KHDC4: variants seen among roughly 807,000 people sequenced by gnomAD.
The protein encoded by KHDC4 is KH homology domain-containing protein 4.
KHDC4 carries 19 observed loss-of-function variants against 74.5 expected under a neutral mutation model. That is an observed-to-expected ratio of 0.26 (90% CI 0.18 to 0.37). The LOEUF is 0.37. Ranked by LOEUF, KHDC4 falls within the 10% of genes least tolerant of loss-of-function variation. KHDC4 has a pLI of 1.00. For synonymous variants in KHDC4, 253 were observed against 266.1 expected, an observed-to-expected ratio of 0.95 and a Z score of 0.48; for missense variants, 632 against 754.1, an observed-to-expected ratio of 0.84 and a Z score of 1.90.
rs1159162622 is a variant in KHDC4 at position 155,921,898 on chromosome 1, T to A, written c.975A>T (p.Arg325Ser). The A allele has an allele frequency of 6.2e-7, 1 of 1,608,448 alleles. No homozygotes were observed. The highest frequency in any genetic ancestry group is 1.7e-5 in the Admixed American group (1 of 59,608). The stretch of plus-strand genomic sequence containing the variant: ...CAGCAGTATTAATCTGATTCACAAA[T>A]CTAGAGTATTCAGCATGAACCTGAA... ...LLQTVHAEYSRFVNQINTAVP... is the reference protein window; with the variant it reads ...LLQTVHAEYSSFVNQINTAVP... Residue 325 changes from arginine to serine, a missense_variant, in exon 9 of 14, where the codon AGA (arginine) becomes AGT (serine). By Grantham distance (110) the Arg-to-Ser change is moderately radical. Around this residue, in one of 4 missense-constraint regions of KHDC4, gnomAD observed 233 missense variants for 342.6 expected, o/e 0.68. Transcript: ENST00000368321.
chr1:155,925,915 A>C (rs761766548), intron 6 of KHDC4, 72 bp from the exon 7 acceptor site: 1 of 1,241,108 alleles, frequency 8.1e-7, no homozygotes, highest in Admixed American at 1.7e-5. Context: ...AAATAAGTCA[A>C]TAAGAAATTA....
intron 7 of KHDC4, among the ~76,000 whole-genome samples, chr1:155,924,288 C>T (rs1361148930): frequency 2.0e-5 from 3 of 152,048 alleles, no homozygotes; most frequent in African/African-American, 7.2e-5. Context: ...CAGCTCACTG[C>T]AAGCTCCACC....
At position 155,929,218 on chromosome 1, in the gene KHDC4, TA is replaced by T. The variant is rs1674091239; in HGVS notation, c.464+77del. ...TGAATCAAATATTGTGTACACGTAT[TA>T]CCTAAGGATAAAAAACATGAGGCTA... is the stretch of plus-strand genomic sequence containing the variant. On this transcript the variant is annotated intron_variant, in intron 4 of 13. Transcript: ENST00000368321. 7 of 963,676 alleles carry T rather than the reference TA, an allele frequency of 7.3e-6. No individual in the cohort carries two copies. The South Asian group carries it at 9.2e-5, about 13-fold the overall frequency. 59.7% of individuals were successfully genotyped at this position (963,676 alleles called of 1,614,324 possible).
In KHDC4 at chr1:155,925,857, A is replaced by G; in HGVS notation, c.682-14T>C. ...AACATAATGCATCTGTAGGAAGAAC[A>G]GAATACTTCAGATTAAACAGAATAT... On this transcript the variant is annotated splice_polypyrimidine_tract_variant and intron_variant, in intron 6 of 13. Transcript: ENST00000368321. 6.5e-7 allele frequency: 1 copy of G among 1,531,468 alleles called. No individual in the cohort carries two copies. The highest frequency in any genetic ancestry group is 1.1e-5 in the South Asian group (1 of 89,432). The allele number at this position is 1,531,468 out of a possible 1,614,324, so 94.9% of individuals were successfully genotyped here. A position where few individuals can be genotyped will look rare whatever the true frequency, so the allele number is the denominator to read the frequency against.
At chr1:155,927,874 A>ACACACACACACACAC (rs1557970777) in intron 4 of KHDC4, among the ~76,000 whole-genome samples, 1 of 68,074 alleles carries the variant, frequency 1.5e-5, no homozygotes. Context: ...ACACACACAC[A>ACACACACACACACAC]AAATTAATGG....
intron 11 of KHDC4, among the ~76,000 whole-genome samples, chr1:155,917,206 G>A (rs1308918445): frequency 6.6e-6 from 1 of 152,116 alleles, no homozygotes; most frequent in Non-Finnish European, 1.5e-5. Flanking sequence ...ACTGGAGGGA[G>A]ATATCACTCT....
rs575472117 is a variant in KHDC4, at chr1:155,925,279, C to T, written c.893+353G>A. 2.6e-5 allele frequency among the ~76,000 whole-genome samples: 4 copies of T among 152,126 alleles called. No individual in the cohort carries two copies. In the East Asian group the frequency reaches 7.7e-4, roughly 29 times the overall value. ...ATCTCCTGACCTCGTGATCCACCCG[C>T]CTCGGCCTCCCAAAGTGCTGGGATT... On this transcript the variant is annotated intron_variant, in intron 7 of 13. Transcript: ENST00000368321.
chr1:155,929,200 A>G (rs1312759394), intron 4 of KHDC4, 96 bp downstream of exon 4: 5 of 842,270 alleles, frequency 5.9e-6, no homozygotes, highest in Non-Finnish European at 1.0e-5. Context: ...CCTTGAATCA[A>G]ATATTGTGTA....
At chr1:155,923,540 G>T in intron 8 of KHDC4, 87 bp downstream of exon 8, 1 of 983,648 alleles carries the variant, frequency 1.0e-6, no homozygotes, top group South Asian at 1.3e-5. Flanking sequence ...GCAGTACTAG[G>T]AAACTAAACA....
At chr1:155,928,313 G>A (rs1674065217) in intron 4 of KHDC4, among the ~76,000 whole-genome samples, 2 of 152,186 alleles carry the variant, frequency 1.3e-5, no homozygotes. Flanking sequence ...GGCAGAGGTT[G>A]CAGTGAGCCG....
chr1:155,921,239 G>A, intron 10 of KHDC4, 136 bp downstream of exon 10: 1 of 975,474 alleles, frequency 1.0e-6, no homozygotes, highest in Non-Finnish European at 1.5e-6. Context: ...AGGTAGGTTG[G>A]TGGTAGGAAC....
intron 4 of KHDC4, among the ~76,000 whole-genome samples, chr1:155,928,136 GC>G (rs2102607232): frequency 6.6e-6 from 1 of 152,252 alleles, no homozygotes; most frequent in South Asian, 2.1e-4. Context: ...ACTTTGGGAG[GC>G]CGAGGCAGGG....
chr1:155,914,977 CTT>C (rs1673701233), intron 13 of KHDC4: 1 of 152,166 alleles, frequency 6.6e-6, no homozygotes, highest in Admixed American at 6.6e-5. Flanking sequence ...TCGACTAACT[CTT>C]TTCTAGATAC....
chr1:155,920,415 C>T (rs1327863457), intron 10 of KHDC4, among the ~76,000 whole-genome samples: 6 of 151,800 alleles, frequency 4.0e-5, no homozygotes, highest in Non-Finnish European at 5.9e-5. Context: ...CCAGCCTGGG[C>T]AACAGAGCGA....
intron 8 of KHDC4, among the ~76,000 whole-genome samples, chr1:155,923,188 GAA>G (rs558697123): frequency 8.3e-6 from 1 of 120,798 alleles, no homozygotes; most frequent in Non-Finnish European, 1.8e-5. Flanking sequence ...CTGGGCGACA[GAA>G]AAAAAAAAAA....
At chr1:155,926,481 C>T (rs1674001089) in intron 6 of KHDC4, 195 bp downstream of exon 6, 5 of 584,662 alleles carry the variant, frequency 8.6e-6, no homozygotes, top group Non-Finnish European at 1.5e-5. Flanking sequence ...AGGTGCCTGC[C>T]ACCATGCCCG....
chr1:155,917,798 G>A, intron 10 of KHDC4, 126 bp from the exon 11 acceptor site: 1 of 775,042 alleles, frequency 1.3e-6, no homozygotes. Flanking sequence ...CAGGTCCTTA[G>A]TTTCCTTCAT....
At chr1:155,923,985 T>C (rs1197708631) in intron 7 of KHDC4, among the ~76,000 whole-genome samples, 3 of 152,334 alleles carry the variant, frequency 2.0e-5, no homozygotes, top group East Asian at 3.9e-4. Flanking sequence ...TAGGTTTAAA[T>C]GAAAATTATT....
intron 3 of KHDC4, 102 bp downstream of exon 3, chr1:155,929,610 G>T: frequency 1.5e-6 from 2 of 1,341,064 alleles, no homozygotes; most frequent in Non-Finnish European, 1.0e-6. Flanking sequence ...TAGAGACTAT[G>T]ACCCAAACCC....
Sources: gnomAD v4.1 joint callset for allele counts (sites outside exome capture counted in the v4.1 genomes callset) on GRCh38, gnomAD v4.1.1 for gene constraint, gnomAD v4.1.1 regional missense constraint, MANE v1.5 for transcripts, NCBI Gene and HGNC (gene_info 2026-07-23, HGNC 2026-07-21) for gene names.